The following SLC25A51 variants were observed in gnomAD, a reference collection of about 807,000 sequenced individuals.
SLC25A51 encodes the protein mitochondrial nicotinamide adenine dinucleotide transporter SLC25A51.
Under a neutral mutation model 19.1 loss-of-function variants are expected in SLC25A51, and 11 were observed. The ratio of observed to expected loss-of-function variants is 0.58; its 90% CI spans 0.36 to 0.96. The LOEUF (loss-of-function observed/expected upper bound fraction) is 0.96, where lower values mean the gene tolerates loss of function less well. Among genes scored for constraint, SLC25A51 ranks in the 40% least tolerant of loss-of-function variants. SLC25A51 has a pLI of 0.01. For synonymous variants in SLC25A51, 105 were observed against 133.6 expected (o/e 0.79, Z 1.47); for missense variants, 201 against 365.4 (o/e 0.55, Z 3.67).
chr9:37,885,821 T>G, downstream of SLC25A51: 2 of 1,606,234 alleles, frequency 1.2e-6, no homozygotes, highest in Non-Finnish European at 1.7e-6. Flanking sequence ...TCCGCTTGGA[T>G]ATTCGCATGG....
chr9:37,883,316 C>G (rs1251137714), downstream of SLC25A51, among the ~76,000 whole-genome samples: 2 of 152,112 alleles, frequency 1.3e-5, no homozygotes, highest in Non-Finnish European at 2.9e-5. Flanking sequence ...AAAACCATCC[C>G]TGGTAATGTA....
At chr9:37,903,936 C>G (rs1831915448) in intron 1 of SLC25A51, 132 bp downstream of exon 1, 1 of 152,388 alleles carries the variant, frequency 6.6e-6, no homozygotes, top group Middle Eastern at 3.2e-3. Flanking sequence ...CCAGGGCAGC[C>G]GGAGCGCGCA....
At chr9:37,887,190 G>A (rs187983188), downstream of SLC25A51, among the ~76,000 whole-genome samples, 32 of 152,034 alleles carry the variant, frequency 2.1e-4, no homozygotes, top group Non-Finnish European at 3.4e-4. Context: ...GGTGGCGGGC[G>A]CCTGTAATCC....
chr9:37,887,027 C>T (rs12551858), downstream of SLC25A51, among the ~76,000 whole-genome samples: 22,341 of 144,122 alleles, frequency 0.16, 1,857 homozygotes, highest in East Asian at 0.34. Context: ...AAAAAATTAG[C>T]TGGGCGTAGC....
chr9:37,892,317 A>C (rs1397742506), intron 2 of SLC25A51, among the ~76,000 whole-genome samples: 3 of 152,228 alleles, frequency 2.0e-5, no homozygotes, highest in Non-Finnish European at 4.4e-5. Context: ...CACTATGCAC[A>C]TAAGGGTGAA....
intron 2 of SLC25A51, among the ~76,000 whole-genome samples, chr9:37,897,278 C>A (rs1831738725): frequency 6.6e-6 from 1 of 151,864 alleles, no homozygotes. Flanking sequence ...TGGTCTTCAA[C>A]TTCTGGGCTC....
Position 37,888,489 on chromosome 9 carries a change from A to G in SLC25A51, c.62T>C (p.Ile21Thr), listed in dbSNP as rs564866952. 5 of 1,614,244 alleles carry G rather than the reference A, an allele frequency of 3.1e-6. No homozygotes were observed. Among genetic ancestry groups the G allele is most frequent in the East Asian group, 4.5e-5 (2 of 44,894 alleles). Reference protein sequence around the residue: ...PPILTSSKQDISPHITNVGEM... With the variant: ...PPILTSSKQDTSPHITNVGEM... ...ACCAACATTTGTAATATGAGGTGAT[A>G]TATCTTGTTTTGAAGATGTTAGTAT... is the stretch of plus-strand genomic sequence containing the variant. The change falls in exon 3 of 3, where the codon ATA becomes ACA. Residue 21 changes from isoleucine (I) to threonine (T), a missense_variant. By Grantham distance (89) the Ile-to-Thr change is moderately conservative. Transcript: ENST00000242275.
chr9:37,884,595 C>A (rs560490407), downstream of SLC25A51, among the ~76,000 whole-genome samples: 1 of 152,196 alleles, frequency 6.6e-6, no homozygotes, highest in African/African-American at 2.4e-5. Context: ...ACTTCCAAAA[C>A]AAAATGTTAT....
chr9:37,886,192 G>A, downstream of SLC25A51: 2 of 1,520,952 alleles, frequency 1.3e-6, no homozygotes, highest in Non-Finnish European at 1.8e-6. Flanking sequence ...AGGTAATGCG[G>A]CAGCCACAGA....
chr9:37,885,342 TAAAAAAAAAA>T (rs60095173), downstream of SLC25A51, among the ~76,000 whole-genome samples: 1 of 99,244 alleles, frequency 1.0e-5, no homozygotes, highest in Admixed American at 1.1e-4. Context: ...TAGGTAATGA[TAAAAAAAAAA>T]AAAAAAAAAA....
intron 2 of SLC25A51, among the ~76,000 whole-genome samples, chr9:37,897,006 C>T (rs189111685): frequency 2.8e-4 from 42 of 152,170 alleles, no homozygotes; most frequent in Non-Finnish European, 4.1e-4. Context: ...ACTAGCTGTC[C>T]AGAGGGAATG....
At chr9:37,880,850 G>A (rs1831336116) in intron 3 of SLC25A51, 1 of 152,230 alleles carries the variant, frequency 6.6e-6, no homozygotes, top group African/African-American at 2.4e-5. Context: ...CCCCAGGGCT[G>A]TTCCTGGTCA....
At chr9:37,891,336 C>T (rs1831579717) in intron 2 of SLC25A51, among the ~76,000 whole-genome samples, 2 of 152,180 alleles carry the variant, frequency 1.3e-5, no homozygotes, top group Admixed American at 1.3e-4. Flanking sequence ...TCTGCCCGGC[C>T]GCCACCCTGT....
At chr9:37,887,555 T>G (rs1370379207), downstream of SLC25A51, 22 of 1,367,370 alleles carry the variant, frequency 1.6e-5, no homozygotes, top group African/African-American at 3.1e-5. Flanking sequence ...CTTTCCATAA[T>G]AAGATTGGGA....
At chr9:37,881,535 C>T (rs1048252235) in exon 3 of SLC25A51, 1 of 152,182 alleles carries the variant, frequency 6.6e-6, no homozygotes, top group Non-Finnish European at 1.5e-5. Flanking sequence ...CCCAGCTACT[C>T]AGGAGGCTGA....
rs1330485724 is a variant in SLC25A51, at chr9:37,887,775, A to C, written c.776T>G (p.Leu259Arg). 1 of 1,613,804 alleles carries C rather than the reference A, an allele frequency of 6.2e-7. No individual in the cohort carries two copies. Among genetic ancestry groups the C allele is most frequent in the African/African-American group, 1.3e-5 (1 of 74,918 alleles). ...ATTTATCAGTTTTCTGTCCCGTTCC[A>C]GCCAGATTTTTTGGAAAACCTTGGG... ...SFPKVFQKIW[L>R]ERDRKLINLF... is the part of the protein sequence containing the mutation. Residue 259 changes from leucine (L) to arginine (R), a missense_variant, in exon 3 of 3, where the codon CTG becomes CGG. Leu to Arg is a moderately radical substitution (Grantham distance 102). Coordinates refer to ENST00000242275, the MANE Select transcript of SLC25A51 (RefSeq NM_033412.4).
At chr9:37,897,181 T>C (rs568884635) in intron 2 of SLC25A51, among the ~76,000 whole-genome samples, 96 of 152,158 alleles carry the variant, frequency 6.3e-4, no homozygotes, top group Non-Finnish European at 1.2e-3. Flanking sequence ...CTTACATCTA[T>C]GTATTTCACC....
intron 2 of SLC25A51, among the ~76,000 whole-genome samples, chr9:37,893,298 C>G (rs373145793): frequency 5.9e-5 from 9 of 152,200 alleles, no homozygotes; most frequent in African/African-American, 1.9e-4. Context: ...ATGTAGACAT[C>G]TGTACAATCT....
chr9:37,893,019 T>G (rs1267410227), intron 2 of SLC25A51, among the ~76,000 whole-genome samples: 1 of 151,920 alleles, frequency 6.6e-6, no homozygotes, highest in Non-Finnish European at 1.5e-5. Flanking sequence ...GGATTACAGG[T>G]GTGGGCCACA....
Sources: gnomAD v4.1 joint callset for allele counts (sites outside exome capture counted in the v4.1 genomes callset) on GRCh38, gnomAD v4.1.1 for gene constraint, MANE v1.5 for transcripts, NCBI Gene and HGNC (gene_info 2026-07-23, HGNC 2026-07-21) for gene names.